The following CLSTN2 variants were observed in gnomAD, a reference collection of about 807,000 sequenced individuals.
CLSTN2 encodes calsyntenin 2.
In CLSTN2, 48 loss-of-function variants were observed where a neutral mutation model predicts 101.2. That is an observed-to-expected ratio of 0.47 (90% CI 0.38 to 0.60). CLSTN2 has a LOEUF of 0.60. Among genes scored for constraint, CLSTN2 ranks in the 20% least tolerant of loss-of-function variants. The pLI is 0.00. For synonymous variants in CLSTN2, 481 were observed against 463.6 expected (o/e 1.04, Z -0.48); for missense variants, 1,160 against 1,238.2 (o/e 0.94, Z 0.95).
At chr3:140,249,407 A>G (rs777404440) in intron 2 of CLSTN2, among the ~76,000 whole-genome samples, 18 of 152,174 alleles carry the variant, frequency 1.2e-4, no homozygotes, top group Non-Finnish European at 2.2e-4. Context: ...CTAATCTGGC[A>G]CCATGTTGCT....
At chr3:140,188,228 T>G (rs1253226687) in intron 2 of CLSTN2, among the ~76,000 whole-genome samples, 1 of 152,212 alleles carries the variant, frequency 6.6e-6, no homozygotes. Flanking sequence ...GCGTGTTTGC[T>G]CCTGGGCTCA....
chr3:140,226,151 T>G (rs1386371317), intron 2 of CLSTN2, among the ~76,000 whole-genome samples: 1 of 152,210 alleles, frequency 6.6e-6, no homozygotes, highest in African/African-American at 2.4e-5. Flanking sequence ...ATGATTCCAT[T>G]TATATAACAT....
At chr3:140,063,713 T>G (rs1424107244) in intron 1 of CLSTN2, among the ~76,000 whole-genome samples, 1 of 152,194 alleles carries the variant, frequency 6.6e-6, no homozygotes, top group African/African-American at 2.4e-5. Context: ...AAATCCCTAC[T>G]ATATCCTCCT....
intron 2 of CLSTN2, among the ~76,000 whole-genome samples, chr3:140,334,399 T>C (rs2087420805): frequency 6.6e-6 from 1 of 152,202 alleles, no homozygotes; most frequent in Admixed American, 6.5e-5. Context: ...ACAGTGTTGG[T>C]GGATTCATTC....
At chr3:139,958,468 C>G (rs967235851) in intron 1 of CLSTN2, among the ~76,000 whole-genome samples, 2 of 152,052 alleles carry the variant, frequency 1.3e-5, no homozygotes, top group Admixed American at 1.3e-4. Context: ...CATTTCTGTA[C>G]AAAAGACTGA....
intron 5 of CLSTN2, among the ~76,000 whole-genome samples, chr3:140,437,341 C>T (rs2088699079): frequency 6.6e-6 from 1 of 152,180 alleles, no homozygotes; most frequent in South Asian, 2.1e-4. Flanking sequence ...AGCCACCAAG[C>T]CCAGCCAGGA....
At chr3:140,493,214 T>C (rs1934387086) in intron 8 of CLSTN2, among the ~76,000 whole-genome samples, 1 of 152,212 alleles carries the variant, frequency 6.6e-6, no homozygotes, top group South Asian at 2.1e-4. Flanking sequence ...CATGGCTTTA[T>C]CTCAGACACT....
At chr3:140,279,609 C>T (rs553803653) in intron 2 of CLSTN2, among the ~76,000 whole-genome samples, 41 of 152,274 alleles carry the variant, frequency 2.7e-4, no homozygotes, top group Admixed American at 8.5e-4. Flanking sequence ...TCTGCTCAGG[C>T]CCTAACAGGG....
chr3:140,537,964 G>A (rs1181413037), intron 9 of CLSTN2, among the ~76,000 whole-genome samples: 1 of 152,138 alleles, frequency 6.6e-6, no homozygotes, highest in Non-Finnish European at 1.5e-5. Context: ...GCACGTGGAG[G>A]TCCAGGGCAT....
intron 1 of CLSTN2, among the ~76,000 whole-genome samples, chr3:140,036,165 C>A (rs1466197108): frequency 6.6e-6 from 1 of 152,182 alleles, no homozygotes; most frequent in African/African-American, 2.4e-5. Context: ...GGTGCCTGGC[C>A]TAGGATTCAG....
chr3:140,463,349 C>T (rs1192424939), intron 7 of CLSTN2, among the ~76,000 whole-genome samples: 1 of 151,938 alleles, frequency 6.6e-6, no homozygotes, highest in African/African-American at 2.4e-5. Flanking sequence ...AGGGGCCAAC[C>T]TTGTTCAGCA....
At chr3:140,028,183 G>C (rs16849706) in intron 1 of CLSTN2, among the ~76,000 whole-genome samples, 1 of 152,272 alleles carries the variant, frequency 6.6e-6, no homozygotes, top group African/African-American at 2.4e-5. Context: ...TGGGGGAATA[G>C]CAGCAACCTG....
intron 4 of CLSTN2, among the ~76,000 whole-genome samples, chr3:140,414,336 G>A (rs893043972): frequency 6.6e-6 from 1 of 152,006 alleles, no homozygotes; most frequent in African/African-American, 2.4e-5. Context: ...TAACTAAGGA[G>A]GTGAAATATC....
At chr3:140,403,211 C>T (rs1384138758) in intron 2 of CLSTN2, among the ~76,000 whole-genome samples, 2 of 152,164 alleles carry the variant, frequency 1.3e-5, no homozygotes, top group Non-Finnish European at 2.9e-5. Context: ...CTCACATAGA[C>T]TCACGCCCAC....
At chr3:140,469,747 CT>C (rs1933792521) in intron 8 of CLSTN2, among the ~76,000 whole-genome samples, 1 of 152,044 alleles carries the variant, frequency 6.6e-6, no homozygotes, top group Non-Finnish European at 1.5e-5. Context: ...TGGTTGGCGC[CT>C]AGTAAATGTT....
At chr3:140,514,593 G>A (rs1271555725) in intron 8 of CLSTN2, among the ~76,000 whole-genome samples, 3 of 152,094 alleles carry the variant, frequency 2.0e-5, no homozygotes, top group East Asian at 1.9e-4. Flanking sequence ...ATTAACATGC[G>A]TGTCAAGTAT....
chr3:140,033,571 G>A (rs1323682497), intron 1 of CLSTN2, among the ~76,000 whole-genome samples: 1 of 152,166 alleles, frequency 6.6e-6, no homozygotes, highest in East Asian at 1.9e-4. Flanking sequence ...CACTATCACT[G>A]TGTACCTTCA....
chr3:140,125,676 A>T (rs1346338858), intron 1 of CLSTN2, among the ~76,000 whole-genome samples: 1 of 152,104 alleles, frequency 6.6e-6, no homozygotes, highest in Non-Finnish European at 1.5e-5. Context: ...TGCAGTGCTG[A>T]TTACCCACTT....
At chr3:140,424,632 C>A (rs2088544118) in intron 5 of CLSTN2, among the ~76,000 whole-genome samples, 1 of 152,244 alleles carries the variant, frequency 6.6e-6, no homozygotes, top group Non-Finnish European at 1.5e-5. Flanking sequence ...GTTTTACTGG[C>A]TTGCTTGTTA....
Sources: allele counts gnomAD v4.1 joint callset (sites outside exome capture counted in the v4.1 genomes callset), GRCh38; gene constraint gnomAD v4.1.1; transcripts MANE v1.5; gene names NCBI Gene and HGNC (gene_info 2026-07-23, HGNC 2026-07-21).